DISC1: variants seen among roughly 807,000 people sequenced by gnomAD.
DISC1 encodes the protein DISC1 scaffold protein.
In DISC1, 57 loss-of-function variants were observed where a neutral mutation model predicts 84.5. That is an observed-to-expected ratio of 0.67 (90% CI 0.55 to 0.84). The LOEUF is 0.84. Ranked by LOEUF, DISC1 falls within the 40% of genes least tolerant of loss-of-function variation. The pLI, the probability that DISC1 is intolerant of heterozygous loss-of-function variation, is 0.00. For missense variants in DISC1, 1,000 were observed against 1,057.8 expected, an observed-to-expected ratio of 0.95 and a Z score of 0.76; for synonymous variants, 411 against 415.2, an observed-to-expected ratio of 0.99 and a Z score of 0.12.
intron 11 of DISC1, among the ~76,000 whole-genome samples, chr1:232,019,833 A>G (rs1668794403): frequency 6.6e-6 from 1 of 152,086 alleles, no homozygotes. Context: ...TCCTGTGCCC[A>G]TCATTGCATT....
chr1:231,894,362 G>A (rs1183459442), intron 9 of DISC1, among the ~76,000 whole-genome samples: 1 of 151,998 alleles, frequency 6.6e-6, no homozygotes, highest in Non-Finnish European at 1.5e-5. Flanking sequence ...TTTTAGTGTT[G>A]TTCTTTTTAA....
chr1:231,662,716 A>C (rs2061661958), intron 1 of DISC1, among the ~76,000 whole-genome samples: 1 of 152,240 alleles, frequency 6.6e-6, no homozygotes, highest in Non-Finnish European at 1.5e-5. Flanking sequence ...GCCTAAGTTA[A>C]GTTGGTATAA....
At chr1:231,823,719 T>G (rs947876689) in intron 9 of DISC1, among the ~76,000 whole-genome samples, 10 of 152,216 alleles carry the variant, frequency 6.6e-5, no homozygotes, top group African/African-American at 2.4e-4. Flanking sequence ...CATCGGGGTT[T>G]GGTGTCCAGA....
At chr1:231,776,231 G>A (rs977659538) in intron 6 of DISC1, among the ~76,000 whole-genome samples, 2 of 152,170 alleles carry the variant, frequency 1.3e-5, no homozygotes, top group Non-Finnish European at 1.5e-5. Context: ...CAGTGATGAC[G>A]TGGAGGGCTG....
chr1:231,775,918 T>G (rs2076930245), intron 6 of DISC1, among the ~76,000 whole-genome samples: 2 of 149,222 alleles, frequency 1.3e-5, no homozygotes, highest in African/African-American at 2.5e-5. Context: ...GGGATTGTGA[T>G]GTGGGGGTGG....
chr1:231,764,113 C>T (rs2075987004), intron 4 of DISC1, among the ~76,000 whole-genome samples: 1 of 152,094 alleles, frequency 6.6e-6, no homozygotes. Flanking sequence ...TGGGAGATGC[C>T]ACGGAAGGAG....
intron 9 of DISC1, among the ~76,000 whole-genome samples, chr1:231,861,073 G>A (rs1383199828): frequency 1.3e-5 from 2 of 152,030 alleles, no homozygotes; most frequent in Admixed American, 1.3e-4. Flanking sequence ...GTTTTGTTCT[G>A]TTCCTGTGAA....
chr1:231,992,901 A>G (rs370006131), intron 10 of DISC1, among the ~76,000 whole-genome samples: 1 of 152,200 alleles, frequency 6.6e-6, no homozygotes, highest in South Asian at 2.1e-4. Flanking sequence ...TATAGGCTTC[A>G]TAGGGTTTTA....
chr1:231,834,105 C>T (rs1332072564), intron 9 of DISC1, among the ~76,000 whole-genome samples: 1 of 152,088 alleles, frequency 6.6e-6, no homozygotes, highest in Non-Finnish European at 1.5e-5. Flanking sequence ...GAGCATTAAC[C>T]TTGACTATGC....
rs1180888289 is a variant in DISC1 at position 231,818,894 on chromosome 1, C to G, written c.1981+377C>G. On this transcript the variant is annotated intron_variant, in intron 9 of 12. Transcript: ENST00000439617. ...TTGTCTGCACAATCATAGACTAAAT[C>G]AGGCTGATCTGAGAAAATTGAGGGA... The G allele has an allele frequency of 9.7e-6, 10 of 1,033,092 alleles. No homozygotes were observed. The South Asian group carries it at 3.0e-4, about 31-fold the overall frequency. 64.0% of individuals were successfully genotyped at this position (1,033,092 alleles called of 1,614,324 possible).
intron 11 of DISC1, among the ~76,000 whole-genome samples, chr1:232,013,621 A>G (rs920110267): frequency 2.6e-5 from 4 of 152,224 alleles, no homozygotes; most frequent in African/African-American, 9.6e-5. Context: ...GCTCAGATTT[A>G]ATGCAGAATA....
intron 3 of DISC1, among the ~76,000 whole-genome samples, chr1:231,736,274 G>A (rs1227330023): frequency 3.3e-5 from 5 of 152,176 alleles, no homozygotes; most frequent in Non-Finnish European, 4.4e-5. Flanking sequence ...CCTGTGTCAC[G>A]GAGGAAACTA....
rs180854494 is a variant in DISC1, at chr1:232,024,038, T to C, written c.2308-2397T>C. Among the ~76,000 whole-genome samples the C allele has an allele frequency of 6.2e-3, 868 of 140,168 alleles. 8 individuals are homozygous for C. Among genetic ancestry groups the C allele is most frequent in the Middle Eastern group, 0.041 (11 of 270 alleles). 92.0% of individuals were successfully genotyped at this position (140,168 alleles called of 152,430 possible). The stretch of plus-strand genomic sequence containing the variant: ...AAATATATATATATATACACACACA[T>C]ATATATGTATATATGTGTATGTGTG... On this transcript the variant is annotated intron_variant, in intron 11 of 12. Coordinates refer to ENST00000439617, the MANE Select transcript of DISC1 (RefSeq NM_018662.3).
intron 1 of DISC1, among the ~76,000 whole-genome samples, chr1:231,682,646 A>C (rs185668851): frequency 4.6e-5 from 7 of 152,212 alleles, no homozygotes; most frequent in Non-Finnish European, 1.0e-4. Context: ...GTGCATATAC[A>C]TGTTTTTTTT....
At chr1:231,986,047 C>T (rs1477953041) in intron 10 of DISC1, among the ~76,000 whole-genome samples, 2 of 152,232 alleles carry the variant, frequency 1.3e-5, no homozygotes, top group African/African-American at 4.8e-5. Context: ...AGATGCTCTT[C>T]AGCCTGTGTC....
At position 231,768,314 on chromosome 1, in the gene DISC1, A is replaced by T. The variant is rs961521108; in HGVS notation, c.1398+1045A>T. On this transcript the variant is annotated intron_variant, in intron 5 of 12. Transcript: ENST00000439617. ...TTAGGCTGGAGGCTTCCCATCTCTG[A>T]TCTGGTCATAGAGTATTCGTGTTAT... 1.3e-4 allele frequency among the ~76,000 whole-genome samples: 20 copies of T among 152,098 alleles called. 1 individual carries two copies.
At chr1:231,772,803 G>A (rs2076656007) in intron 6 of DISC1, among the ~76,000 whole-genome samples, 1 of 152,146 alleles carries the variant, frequency 6.6e-6, no homozygotes, top group African/African-American at 2.4e-5. Flanking sequence ...AAAGCAAGCG[G>A]CACATGCTAT....
intron 9 of DISC1, among the ~76,000 whole-genome samples, chr1:231,910,627 G>A (rs1181473980): frequency 1.3e-5 from 2 of 152,168 alleles, no homozygotes; most frequent in South Asian, 4.1e-4. Context: ...AGTGCGATGT[G>A]GTGCTGAGAA....
chr1:231,773,620 A>G (rs568397809), intron 6 of DISC1, among the ~76,000 whole-genome samples: 33 of 152,230 alleles, frequency 2.2e-4, no homozygotes, highest in East Asian at 3.9e-4. Context: ...TCCTGACCTC[A>G]TGATCTGCCC....
Sources: gnomAD v4.1 joint callset for allele counts (sites outside exome capture counted in the v4.1 genomes callset) on GRCh38, gnomAD v4.1.1 for gene constraint, MANE v1.5 for transcripts, NCBI Gene and HGNC (gene_info 2026-07-23, HGNC 2026-07-21) for gene names.